The following KDM4B variants were observed in gnomAD, a reference collection of about 807,000 sequenced individuals.
The protein encoded by KDM4B is lysine demethylase 4B, also known as lysine-specific demethylase 4B.
Under a neutral mutation model 125.2 loss-of-function variants are expected in KDM4B, and 32 were observed. The observed-to-expected ratio is 0.26, with a 90% confidence interval of 0.19 to 0.34. KDM4B has a LOEUF of 0.34. Ranked by LOEUF, KDM4B falls within the 10% of genes least tolerant of loss-of-function variation. The pLI is 1.00. For synonymous variants in KDM4B, 721 were observed against 677.9 expected (o/e 1.06, Z -0.99); for missense variants, 1,190 against 1,577.7 (o/e 0.75, Z 4.16).
At chr19:4,992,419 C>T (rs1373600746) in intron 1 of KDM4B, among the ~76,000 whole-genome samples, 1 of 151,876 alleles carries the variant, frequency 6.6e-6, no homozygotes, top group African/African-American at 2.4e-5. Flanking sequence ...TATAAATTTC[C>T]CTCTAAGTAC....
At chr19:5,092,808 C>T (rs1169488551) in intron 9 of KDM4B, among the ~76,000 whole-genome samples, 1 of 152,208 alleles carries the variant, frequency 6.6e-6, no homozygotes, top group Non-Finnish European at 1.5e-5. Flanking sequence ...GAGTTCTCCC[C>T]TCTGCCATCT....
intron 9 of KDM4B, among the ~76,000 whole-genome samples, chr19:5,094,720 G>C (rs1477927211): frequency 6.6e-6 from 1 of 152,202 alleles, no homozygotes; most frequent in Non-Finnish European, 1.5e-5. Context: ...CCAGGACTGG[G>C]TGTGCTGTTG....
At chr19:5,110,514 T>C (rs1230429782) in intron 9 of KDM4B, 108 bp from the exon 10 acceptor site, 10 of 963,306 alleles carry the variant, frequency 1.0e-5, no homozygotes, top group Non-Finnish European at 1.5e-5. Flanking sequence ...AGCGGTGGGA[T>C]GGGGTGTGGG....
chr19:5,119,208 G>C, intron 10 of KDM4B: 1 of 1,533,198 alleles, frequency 6.5e-7, no homozygotes, highest in Non-Finnish European at 8.7e-7. Context: ...AGACCAAAAG[G>C]CCGGGGCTGT....
chr19:5,014,272 GTGTTT>G (rs566641543), intron 1 of KDM4B, among the ~76,000 whole-genome samples: 3 of 152,082 alleles, frequency 2.0e-5, no homozygotes, highest in Non-Finnish European at 2.9e-5. Context: ...ACCCGGCTAA[GTGTTT>G]TGTTTTGTTT....
At chr19:5,123,193 C>T (rs372866404) in intron 11 of KDM4B, among the ~76,000 whole-genome samples, 9 of 152,228 alleles carry the variant, frequency 5.9e-5, no homozygotes, top group South Asian at 2.1e-4. Context: ...CACGACCTCG[C>T]GTGGCACGGG....
intron 10 of KDM4B, among the ~76,000 whole-genome samples, chr19:5,118,265 AG>A (rs1413053711): frequency 1.3e-5 from 2 of 152,216 alleles, no homozygotes; most frequent in East Asian, 3.9e-4. Flanking sequence ...CCATGGGGAC[AG>A]GGGACACGGG....
intron 5 of KDM4B, among the ~76,000 whole-genome samples, chr19:5,043,891 G>A (rs1403483453): frequency 2.3e-5 from 3 of 127,804 alleles, no homozygotes; most frequent in African/African-American, 6.3e-5. Flanking sequence ...TGTGTTTATC[G>A]GAGTGGGGGT....
At chr19:5,098,925 T>G (rs912712374) in intron 9 of KDM4B, among the ~76,000 whole-genome samples, 2 of 152,252 alleles carry the variant, frequency 1.3e-5, no homozygotes, top group African/African-American at 4.8e-5. Context: ...GTTTCAATAA[T>G]GGACTAAGAC....
chr19:5,139,288 C>G (rs1358521011), intron 18 of KDM4B, among the ~76,000 whole-genome samples: 1 of 152,168 alleles, frequency 6.6e-6, no homozygotes, highest in Non-Finnish European at 1.5e-5. Context: ...CCTTCTTTTC[C>G]TGGCTCAGTG....
chr19:5,058,301 G>A (rs2037472967), intron 6 of KDM4B, among the ~76,000 whole-genome samples: 1 of 152,242 alleles, frequency 6.6e-6, no homozygotes, highest in Admixed American at 6.5e-5. Flanking sequence ...CCATTGGGAA[G>A]GGCTTTTGGT....
At chr19:4,996,553 T>TA in intron 1 of KDM4B, among the ~76,000 whole-genome samples, 1 of 152,136 alleles carries the variant, frequency 6.6e-6, no homozygotes, top group East Asian at 1.9e-4. Context: ...TTTTTTTTTT[T>TA]TTAGTAGTGA....
In KDM4B at chr19:5,060,433, C is replaced by CAAAAAA. The variant is rs901472663; in HGVS notation, c.627-10552_627-10547dup. Among the ~76,000 whole-genome samples, 88 of 32,976 alleles carry CAAAAAA rather than the reference C, an allele frequency of 2.7e-3. 10 individuals carry two copies. The highest frequency in any genetic ancestry group is 0.021 in the East Asian group (13 of 634). 21.6% of individuals were successfully genotyped at this position (32,976 alleles called of 152,430 possible). A position where few individuals can be genotyped will look rare whatever the true frequency, so the allele number is the denominator to read the frequency against. ...GGGTGACGGAGGAAGACTCTGTCTC[C>CAAAAAA]AAAAAAAAAAAAAAAAAAAAAAAAA... On this transcript the variant is annotated intron_variant, in intron 6 of 22. Coordinates refer to ENST00000159111, the MANE Select transcript of KDM4B (RefSeq NM_015015.3).
At position 5,110,765 on chromosome 19, in the gene KDM4B, G is replaced by A; in HGVS notation, c.1062G>A (p.Glu354=). ...HTRPTALTSP[E]LSSWSASRAS... The stretch of plus-strand genomic sequence containing the variant: ...GGCCCACGGCGCTCACCAGCCCCGA[G>A]CTGAGCTCCTGGAGTGCATCCCGGG... Residue 354 remains glutamate (E), a synonymous_variant, in exon 10 of 23, where the codon GAG becomes GAA. Coordinates refer to ENST00000159111, the MANE Select transcript of KDM4B (RefSeq NM_015015.3). 6.2e-7 allele frequency: 1 copy of A among 1,609,394 alleles called. No individual in the cohort carries two copies. Among genetic ancestry groups the A allele is most frequent in the Non-Finnish European group, 8.5e-7 (1 of 1,178,260 alleles).
In KDM4B at chr19:5,115,442, A is replaced by G. The variant is rs949200846; in HGVS notation, c.1116-4211A>G. Among the ~76,000 whole-genome samples, 5 of 152,150 alleles carry G rather than the reference A, an allele frequency of 3.3e-5. No individual in the cohort carries two copies. The highest frequency in any genetic ancestry group is 5.9e-5 in the Non-Finnish European group (4 of 67,990). On this transcript the variant is annotated intron_variant, in intron 10 of 22. Coordinates refer to ENST00000159111, the MANE Select transcript of KDM4B (RefSeq NM_015015.3). The surrounding 1 kb of genome is among the most constrained non-coding windows in gnomAD (Gnocchi z 4.2). Reference sequence around the variant, plus strand: ...GGTGGGGGTCCTCTGCCAGAGAACAAAGGGGCCCAGTGGAGCAAAGCCACA... The same window carrying G: ...GGTGGGGGTCCTCTGCCAGAGAACAGAGGGGCCCAGTGGAGCAAAGCCACA...
chr19:5,012,491 G>C (rs751514817), intron 1 of KDM4B, among the ~76,000 whole-genome samples: 1 of 151,472 alleles, frequency 6.6e-6, no homozygotes, highest in African/African-American at 2.4e-5. Context: ...AGGATCCTTC[G>C]TGGCCCGTGG....
At chr19:5,126,843 CA>C (rs1417490422) in intron 11 of KDM4B, among the ~76,000 whole-genome samples, 3 of 152,242 alleles carry the variant, frequency 2.0e-5, no homozygotes, top group South Asian at 4.1e-4. Context: ...GCATGGAAGC[CA>C]AGCACGAAAC....
intron 1 of KDM4B, among the ~76,000 whole-genome samples, chr19:5,011,299 T>G (rs755471708): frequency 6.6e-6 from 1 of 152,214 alleles, no homozygotes; most frequent in Non-Finnish European, 1.5e-5. Context: ...TGCTTCTAGG[T>G]TTTCTCTGCT....
At chr19:5,066,684 G>A (rs1170055949) in intron 6 of KDM4B, among the ~76,000 whole-genome samples, 2 of 152,242 alleles carry the variant, frequency 1.3e-5, no homozygotes, top group African/African-American at 4.8e-5. Context: ...GGCTCTCACG[G>A]AGCTTGTGGA....
Sources: allele counts gnomAD v4.1 joint callset (sites outside exome capture counted in the v4.1 genomes callset), GRCh38; gene constraint gnomAD v4.1.1; non-coding constraint Gnocchi (gnomAD v3.1); transcripts MANE v1.5; gene names NCBI Gene and HGNC (gene_info 2026-07-23, HGNC 2026-07-21).